The following ADCY2 variants were observed in gnomAD, a reference collection of about 807,000 sequenced individuals.
ADCY2 encodes adenylate cyclase 2.
Under a neutral mutation model 125.2 loss-of-function variants are expected in ADCY2, and 31 were observed. The observed-to-expected ratio is 0.25, with a 90% CI of 0.19 to 0.33. The LOEUF is 0.33. Among genes scored for constraint, ADCY2 ranks in the 10% least tolerant of loss-of-function variants. The pLI, the probability that ADCY2 is intolerant of heterozygous loss-of-function variation, is 1.00. For synonymous variants in ADCY2, 512 were observed against 548.4 expected (o/e 0.93, Z 0.93); for missense variants, 904 against 1,418.2 (o/e 0.64, Z 5.82).
chr5:7,593,906 T>C (rs948839540), intron 3 of ADCY2, among the ~76,000 whole-genome samples: 1 of 152,144 alleles, frequency 6.6e-6, no homozygotes, highest in Non-Finnish European at 1.5e-5. Context: ...AAGTGTCATT[T>C]GAGCTGAGAA....
At chr5:7,785,873 G>A (rs13189538) in intron 19 of ADCY2, among the ~76,000 whole-genome samples, 65,740 of 151,902 alleles carry the variant, frequency 0.43, 14,903 homozygotes, top group African/African-American at 0.53. Flanking sequence ...GTTATTGGTC[G>A]TTGAGATGAT....
intron 2 of ADCY2, among the ~76,000 whole-genome samples, chr5:7,478,167 G>A (rs1057159300): frequency 1.3e-5 from 2 of 152,166 alleles, no homozygotes; most frequent in Non-Finnish European, 2.9e-5. Flanking sequence ...TCTGTGGGCA[G>A]TTATAACCTA....
Position 7,766,668 on chromosome 5 carries a change from A to G in ADCY2, c.2095-19A>G, listed in dbSNP as rs1440683135. The G allele has an allele frequency of 1.2e-6, 2 of 1,609,392 alleles. No homozygotes were observed. The highest frequency in any genetic ancestry group is 2.2e-5 in the East Asian group (1 of 44,830). On this transcript the variant is annotated intron_variant, in intron 16 of 24. Transcript: ENST00000338316. The stretch of plus-strand genomic sequence containing the variant: ...ATCTAATTTACATTAATTCATTGAA[A>G]AAAACCTTCTCTTTGCAGTTTTTCC...
At position 7,679,265 on chromosome 5, in the gene ADCY2, G is replaced by A. The variant is rs571147359; in HGVS notation, c.721-11426G>A. Among the ~76,000 whole-genome samples, 15 of 152,292 alleles carry A rather than the reference G, an allele frequency of 9.8e-5. No homozygotes were observed. In the South Asian group the frequency reaches 2.1e-3, roughly 21 times the overall value. On this transcript the variant is annotated intron_variant, in intron 4 of 24. Coordinates refer to ENST00000338316, the MANE Select transcript of ADCY2 (RefSeq NM_020546.3). ...ATGACGTGATGGAACCAGCCATCCA[G>A]GTCCCGGGGGAGCGTGCTCCAGTGC... is the stretch of plus-strand genomic sequence containing the variant.
chr5:7,545,711 C>G (rs752027620), intron 3 of ADCY2, among the ~76,000 whole-genome samples: 3 of 152,198 alleles, frequency 2.0e-5, no homozygotes, highest in African/African-American at 7.2e-5. Flanking sequence ...GTCATTCTGA[C>G]AGTGACATGG....
chr5:7,448,471 TA>T (rs964938532), intron 2 of ADCY2, among the ~76,000 whole-genome samples: 1 of 152,082 alleles, frequency 6.6e-6, no homozygotes, highest in Non-Finnish European at 1.5e-5. Context: ...ATTCATTCAT[TA>T]TTTTTTTTTT....
At chr5:7,788,174 T>A (rs1438552996) in intron 19 of ADCY2, among the ~76,000 whole-genome samples, 2 of 152,156 alleles carry the variant, frequency 1.3e-5, no homozygotes, top group Non-Finnish European at 2.9e-5. Context: ...AACTTTTATT[T>A]TTGGGGTTTT....
chr5:7,666,935 G>A (rs770159625), intron 4 of ADCY2, among the ~76,000 whole-genome samples: 2 of 152,156 alleles, frequency 1.3e-5, no homozygotes, highest in Non-Finnish European at 2.9e-5. Flanking sequence ...TCAGCTTCAT[G>A]CCCCAGTTCC....
chr5:7,739,227 G>A (rs1398628303), intron 14 of ADCY2, among the ~76,000 whole-genome samples: 1 of 151,784 alleles, frequency 6.6e-6, no homozygotes, highest in Non-Finnish European at 1.5e-5. Flanking sequence ...CATATAGTCT[G>A]ACGTCTAACC....
intron 3 of ADCY2, among the ~76,000 whole-genome samples, chr5:7,547,269 G>A (rs546178681): frequency 1.4e-3 from 209 of 152,312 alleles, no homozygotes; most frequent in African/African-American, 4.9e-3. Context: ...GAAATACTCT[G>A]TGTCTCTATG....
chr5:7,559,275 A>G (rs1735632268), intron 3 of ADCY2, among the ~76,000 whole-genome samples: 1 of 152,230 alleles, frequency 6.6e-6, no homozygotes, highest in Non-Finnish European at 1.5e-5. Flanking sequence ...CAATATGGCC[A>G]TTTTAATGAT....
rs199771750 is a variant in ADCY2 at position 7,433,551 on chromosome 5, T to G, written c.408+18781T>G. On this transcript the variant is annotated intron_variant, in intron 2 of 24. Coordinates refer to ENST00000338316, the MANE Select transcript of ADCY2 (RefSeq NM_020546.3). ...AGGGACGTAGCCAAAGAATGAAATATTCTAAGAAGCATAAAAACCATAAAA... is the reference window on the plus strand; with the variant it reads ...AGGGACGTAGCCAAAGAATGAAATAGTCTAAGAAGCATAAAAACCATAAAA... 5.3e-5 allele frequency among the ~76,000 whole-genome samples: 8 copies of G among 152,248 alleles called. No individual in the cohort carries two copies. The East Asian group carries it at 1.5e-3, about 29-fold the overall frequency.
intron 3 of ADCY2, among the ~76,000 whole-genome samples, chr5:7,592,259 A>G (rs897023803): frequency 6.6e-6 from 1 of 152,226 alleles, no homozygotes; most frequent in African/African-American, 2.4e-5. Flanking sequence ...TCATTTTTAA[A>G]TATTATGAAA....
At chr5:7,447,747 G>A (rs976392821) in intron 2 of ADCY2, among the ~76,000 whole-genome samples, 21 of 152,172 alleles carry the variant, frequency 1.4e-4, no homozygotes, top group African/African-American at 4.6e-4. Context: ...GGCTTCCAGG[G>A]CCAAAGGTGG....
intron 14 of ADCY2, among the ~76,000 whole-genome samples, chr5:7,732,295 A>G (rs1322166833): frequency 1.3e-5 from 2 of 152,224 alleles, no homozygotes; most frequent in Non-Finnish European, 2.9e-5. Flanking sequence ...CCTAAAAATT[A>G]CCAGACTGGT....
chr5:7,793,704 A>G (rs2126510370), intron 20 of ADCY2: 1 of 152,360 alleles, frequency 6.6e-6, no homozygotes, highest in African/African-American at 2.4e-5. Context: ...GTATTTGTCA[A>G]ATAAAGAAGG....
intron 3 of ADCY2, among the ~76,000 whole-genome samples, chr5:7,569,660 G>A (rs538943407): frequency 6.6e-6 from 1 of 152,182 alleles, no homozygotes; most frequent in East Asian, 1.9e-4. Context: ...TATTCCATTT[G>A]CCTAACTTCT....
intron 19 of ADCY2, among the ~76,000 whole-genome samples, chr5:7,788,253 C>G (rs1250011668): frequency 1.3e-5 from 2 of 152,178 alleles, no homozygotes; most frequent in Non-Finnish European, 2.9e-5. Context: ...AATCTCTGCT[C>G]CCTGCAACCT....
At chr5:7,552,795 T>C (rs116507500) in intron 3 of ADCY2, among the ~76,000 whole-genome samples, 1,745 of 152,340 alleles carry the variant, frequency 0.011, 16 homozygotes, top group Non-Finnish European at 0.019. Flanking sequence ...ATATTTTTTC[T>C]TAGGTTGCCC....
Sources: gnomAD v4.1 joint callset for allele counts (sites outside exome capture counted in the v4.1 genomes callset) on GRCh38, gnomAD v4.1.1 for gene constraint, MANE v1.5 for transcripts, NCBI Gene and HGNC (gene_info 2026-07-23, HGNC 2026-07-21) for gene names.